Variants in TBX15 observed in about 807,000 individuals in gnomAD.
The protein encoded by TBX15 is T-box transcription factor 15, also known as T-box transcription factor TBX15.
A neutral mutation model predicts 53.9 loss-of-function variants in TBX15; 18 were observed. That is an observed-to-expected ratio of 0.33 (90% confidence interval 0.23 to 0.49). The LOEUF (loss-of-function observed/expected upper bound fraction) is 0.49, where lower values mean the gene tolerates loss of function less well. TBX15 is among the 20% of genes least tolerant of loss of function. The probability of loss-of-function intolerance (pLI) is 0.98; values close to 1 mark genes in which losing one functional copy is unlikely to be tolerated. For missense variants in TBX15, 692 were observed against 749.5 expected, an observed-to-expected ratio of 0.92 and a Z score of 0.90; for synonymous variants, 295 against 278.0, an observed-to-expected ratio of 1.06 and a Z score of -0.61.
chr1:118,884,817 T>C lies in TBX15; in HGVS notation c.1724A>G (p.Asn575Ser). 6.2e-7 allele frequency: 1 copy of C among 1,614,004 alleles called. No homozygotes were observed. The highest frequency in any genetic ancestry group is 8.5e-7 in the Non-Finnish European group (1 of 1,179,970). The change falls in exon 8 of 8, where the codon AAC (asparagine) becomes AGC (serine). Residue 575 changes from asparagine (N) to serine (S), a missense_variant. This residue lies in a region of TBX15 where 375 missense variants were observed against 371.6 expected (regional missense o/e 1.01). Transcript: ENST00000369429. Reference sequence around the variant, plus strand: ...ATCACAAGTGTTGGTTGCCTGTTGGTTATTGGGTGAAGGGCTAATCATGTG... The same window carrying C: ...ATCACAAGTGTTGGTTGCCTGTTGGCTATTGGGTGAAGGGCTAATCATGTG... ...SMHMISPSPN[N>S]QQATNTCDGR...
At chr1:118,986,482 G>C (rs747391809) in intron 1 of TBX15, among the ~76,000 whole-genome samples, 11 of 152,082 alleles carry the variant, frequency 7.2e-5, no homozygotes, top group Non-Finnish European at 1.5e-4. Flanking sequence ...TATTAGCCTC[G>C]GGAGCATGGA....
At chr1:118,926,915 G>A (rs76731636) in intron 2 of TBX15, among the ~76,000 whole-genome samples, 2 of 151,770 alleles carry the variant, frequency 1.3e-5, no homozygotes, top group African/African-American at 2.4e-5. Flanking sequence ...TAGTAGAGAT[G>A]GGGTTTCACC....
chr1:118,917,423 C>T (rs1024345679), intron 5 of TBX15, among the ~76,000 whole-genome samples: 5 of 152,154 alleles, frequency 3.3e-5, no homozygotes, highest in South Asian at 4.2e-4. Flanking sequence ...TGTCAGGGAG[C>T]AGGAGAGGAA....
At chr1:118,959,779 A>G (rs1656804973) in intron 1 of TBX15, among the ~76,000 whole-genome samples, 1 of 152,228 alleles carries the variant, frequency 6.6e-6, no homozygotes, top group South Asian at 2.1e-4. Flanking sequence ...CAGAATAGGC[A>G]CAAATGTCTG....
chr1:118,972,455 C>T (rs1657262072), intron 1 of TBX15, among the ~76,000 whole-genome samples: 1 of 152,130 alleles, frequency 6.6e-6, no homozygotes, highest in Non-Finnish European at 1.5e-5. Context: ...GTGCTCCAGA[C>T]AGCAGCAATA....
At chr1:118,957,869 C>T (rs1389782014) in intron 1 of TBX15, among the ~76,000 whole-genome samples, 1 of 152,166 alleles carries the variant, frequency 6.6e-6, no homozygotes, top group African/African-American at 2.4e-5. Context: ...TGCAGTCTAT[C>T]ATTGTTGGAC....
rs936746108 is a variant in TBX15, at chr1:118,884,541, C to T, written c.*191G>A. 3 of 682,066 alleles carry T rather than the reference C, an allele frequency of 4.4e-6. No homozygotes were observed. Among genetic ancestry groups the T allele is most frequent in the Admixed American group, 6.1e-5 (2 of 32,884 alleles). 42.3% of individuals were successfully genotyped at this position (682,066 alleles called of 1,614,324 possible). On this transcript the variant is annotated 3_prime_UTR_variant, in exon 8 of 8. Transcript: ENST00000369429. ...AATGGCCACTGAGTTGCGGATGATT[C>T]TATCGCAAGTATCCTTCACTGGCTT...
intron 1 of TBX15, among the ~76,000 whole-genome samples, chr1:118,955,471 T>C (rs1656657841): frequency 6.6e-6 from 1 of 152,196 alleles, no homozygotes; most frequent in African/African-American, 2.4e-5. Flanking sequence ...TAATGGGGGA[T>C]GCTAATAAGA....
chr1:118,968,300 C>T lies in TBX15; in HGVS notation c.205+19291G>A, dbSNP rs184380978. ...CGTGATCTTGGCTCACTGCAACCTC[C>T]ATCTCCCAGGTTCAAGTGAGTCTCC... On this transcript the variant is annotated intron_variant, in intron 1 of 7. Transcript: ENST00000369429. 3.2e-4 allele frequency among the ~76,000 whole-genome samples: 49 copies of T among 152,260 alleles called. 1 individual carries two copies. The highest frequency in any genetic ancestry group is 9.4e-4 in the African/African-American group (39 of 41,560).
At position 118,924,824 on chromosome 1, in the gene TBX15, T is replaced by C. The variant is rs750825369; in HGVS notation, c.522-7A>G. 11 of 1,613,428 alleles carry C rather than the reference T, an allele frequency of 6.8e-6. No homozygotes were observed. Among genetic ancestry groups the C allele is most frequent in the South Asian group, 3.3e-5 (3 of 91,030 alleles). ...GGAGCTATGATACACATATCTGAGA[T>C]AAAGAGGAAGAGAGGAAAATTCAGA... On this transcript the variant is annotated splice_region_variant and splice_polypyrimidine_tract_variant and intron_variant, in intron 3 of 7. Transcript: ENST00000369429.
At chr1:118,932,706 G>C (rs879739870) in intron 1 of TBX15, among the ~76,000 whole-genome samples, 6 of 152,238 alleles carry the variant, frequency 3.9e-5, no homozygotes, top group Admixed American at 3.3e-4. Flanking sequence ...GTGGGGCTGG[G>C]GGGCAGGGGA....
intron 1 of TBX15, among the ~76,000 whole-genome samples, chr1:118,970,148 A>T (rs933457100): frequency 3.3e-5 from 5 of 152,162 alleles, no homozygotes; most frequent in African/African-American, 1.2e-4. Flanking sequence ...TGCCTACTGT[A>T]CAGCCTGTGG....
intron 7 of TBX15, among the ~76,000 whole-genome samples, chr1:118,898,144 C>G (rs768111811): frequency 6.6e-6 from 1 of 152,118 alleles, no homozygotes; most frequent in Admixed American, 6.5e-5. Context: ...GGGACTTGAC[C>G]AAGGTCACAA....
chr1:118,908,377 C>CAAA lies in TBX15; in HGVS notation c.926+5735_926+5737dup, dbSNP rs66887595. 1.9e-3 allele frequency among the ~76,000 whole-genome samples: 255 copies of CAAA among 132,274 alleles called. 3 individuals carry two copies. Among genetic ancestry groups the CAAA allele is most frequent in the South Asian group, 4.2e-3 (17 of 4,020 alleles). The allele number at this position is 132,274 out of a possible 152,430, so 86.8% of individuals were successfully genotyped here. On this transcript the variant is annotated intron_variant, in intron 6 of 7. Coordinates refer to ENST00000369429, the MANE Select transcript of TBX15 (RefSeq NM_001330677.2). ...AGCCCAGGAACACAGAGCACAAGAC[C>CAAA]AAAAAAAAAAAAAAAAAATCTCAAG...
Position 118,926,576 on chromosome 1 carries a change from C to T in TBX15, c.455G>A (p.Gly152Asp), listed in dbSNP as rs199536739. 147 of 1,613,740 alleles carry T rather than the reference C, an allele frequency of 9.1e-5. No homozygotes were observed. The highest frequency in any genetic ancestry group is 1.7e-5 in the Admixed American group (1 of 59,986). The change falls in exon 3 of 8, where the codon GGC becomes GAC. Residue 152 changes from glycine (G) to aspartate (D), a missense_variant. Around this residue, in one of 3 missense-constraint regions of TBX15, gnomAD observed 307 missense variants for 347.5 expected, o/e 0.88. Transcript: ENST00000369429. ...MFPAMRVKIT[G>D]LDPHQQYYIA... ...GTAGTACTGCTGATGTGGATCTAGG[C>T]CAGTGATTTTCACTCTCATGGCAGG...
At chr1:118,960,962 A>G (rs1557900874) in intron 1 of TBX15, among the ~76,000 whole-genome samples, 2 of 152,136 alleles carry the variant, frequency 1.3e-5, no homozygotes, top group Admixed American at 6.5e-5. Flanking sequence ...GCGGCCATGG[A>G]CAGAGATCTG....
intron 6 of TBX15, among the ~76,000 whole-genome samples, chr1:118,903,729 T>A (rs1229585560): frequency 1.3e-5 from 2 of 152,178 alleles, no homozygotes; most frequent in African/African-American, 4.8e-5. Context: ...AAAAAATACT[T>A]ATAATACTAA....
At chr1:118,910,782 A>G (rs2101552796) in intron 6 of TBX15, among the ~76,000 whole-genome samples, 1 of 152,344 alleles carries the variant, frequency 6.6e-6, no homozygotes, top group South Asian at 2.1e-4. Context: ...CCCCATCATG[A>G]GACACATGAC....
chr1:118,909,242 G>C (rs1654947197), intron 6 of TBX15, among the ~76,000 whole-genome samples: 1 of 152,216 alleles, frequency 6.6e-6, no homozygotes, highest in Non-Finnish European at 1.5e-5. Flanking sequence ...ATGCCATGGA[G>C]ACCAGAATAC....
Sources: gnomAD v4.1 joint callset for allele counts (sites outside exome capture counted in the v4.1 genomes callset) on GRCh38, gnomAD v4.1.1 for gene constraint, gnomAD v4.1.1 regional missense constraint, MANE v1.5 for transcripts, NCBI Gene and HGNC (gene_info 2026-07-23, HGNC 2026-07-21) for gene names.